The following SGIP1 variants were observed in gnomAD, a reference collection of about 807,000 sequenced individuals.
The protein encoded by SGIP1 is SH3GL interacting endocytic adaptor 1.
A neutral mutation model predicts 107.5 loss-of-function variants in SGIP1; 38 were observed. The ratio of observed to expected loss-of-function variants is 0.35; its 90% CI spans 0.27 to 0.46. The LOEUF (loss-of-function observed/expected upper bound fraction) is 0.46. SGIP1 is among the 20% of genes least tolerant of loss of function. The pLI is 1.00. For missense variants in SGIP1, 929 were observed against 1,019.5 expected (o/e 0.91, Z 1.21); for synonymous variants, 365 against 366.1 (o/e 1.00, Z 0.03).
At chr1:66,673,481 G>A in intron 12 of SGIP1, 115 bp downstream of exon 12, 1 of 980,112 alleles carries the variant, frequency 1.0e-6, no homozygotes, top group Non-Finnish European at 1.4e-6. Flanking sequence ...ATTTTCGTGG[G>A]AAAGAAAAGT....
At chr1:66,674,452 AG>A (rs2084692449) in intron 12 of SGIP1, among the ~76,000 whole-genome samples, 1 of 152,178 alleles carries the variant, frequency 6.6e-6, no homozygotes, top group Non-Finnish European at 1.5e-5. Flanking sequence ...TATTTGACTT[AG>A]GGGCACCATG....
intron 7 of SGIP1, among the ~76,000 whole-genome samples, chr1:66,657,935 T>C (rs1188350184): frequency 6.6e-6 from 1 of 152,200 alleles, no homozygotes; most frequent in Non-Finnish European, 1.5e-5. Context: ...CCTATCTTTG[T>C]TTTTATTGTT....
rs17490057 is a variant in SGIP1, at chr1:66,643,594, G to C, written c.334G>C (p.Glu112Gln). 89,087 of 1,610,632 alleles carry C rather than the reference G, an allele frequency of 0.055. 2,920 individuals are homozygous for C. Among genetic ancestry groups the C allele is most frequent in the Non-Finnish European group, 0.063 (74,755 of 1,178,440 alleles). ...TTCAAGTGAATCGGAAGAAGAAGAA[G>C]AATCACATAAGAAATTTAATATCAA... ...YSSSESEEEEESHKKFNIKIK... is the reference protein window; with the variant it reads ...YSSSESEEEEQSHKKFNIKIK... The change falls in exon 7 of 25, where the codon GAA becomes CAA. Residue 112 changes from glutamate to glutamine, a missense_variant. This residue lies in a region of SGIP1 where 588 missense variants were observed against 588.6 expected (regional missense o/e 1.00). Coordinates refer to ENST00000371037, the MANE Select transcript of SGIP1 (RefSeq NM_032291.4).
intron 9 of SGIP1, 118 bp from the exon 10 acceptor site, chr1:66,670,877 G>T (rs45467391): frequency 0.081 from 38,745 of 478,086 alleles, 1,654 homozygotes; most frequent in South Asian, 0.1. Flanking sequence ...CTGAGAAAAA[G>T]TTCATTTCCC....
At chr1:66,701,244 T>C (rs1392336182) in intron 18 of SGIP1, among the ~76,000 whole-genome samples, 1 of 152,164 alleles carries the variant, frequency 6.6e-6, no homozygotes, top group East Asian at 1.9e-4. Context: ...TATGACCAAT[T>C]TTCTGGGGAG....
chr1:66,634,047 A>G (rs546431322), intron 3 of SGIP1: 1 of 1,550,982 alleles, frequency 6.4e-7, no homozygotes, highest in Non-Finnish European at 8.8e-7. Context: ...TTGATCAGAC[A>G]TTGGGTAACA....
chr1:66,742,928 A>G (rs2094503841), intron 24 of SGIP1, 145 bp from the exon 25 acceptor site: 2 of 731,532 alleles, frequency 2.7e-6, no homozygotes, highest in African/African-American at 1.8e-5. Context: ...TGGAAACTTT[A>G]TGTATCTTTT....
At chr1:66,716,950 G>A (rs1172270619) in intron 18 of SGIP1, among the ~76,000 whole-genome samples, 1 of 151,912 alleles carries the variant, frequency 6.6e-6, no homozygotes, top group East Asian at 1.9e-4. Flanking sequence ...TTCTTAAAAT[G>A]TGTCTGCTCA....
chr1:66,534,496 T>A, intron 1 of SGIP1, 128 bp downstream of exon 1: 1 of 1,011,930 alleles, frequency 9.9e-7, no homozygotes, highest in Non-Finnish European at 1.5e-6. Flanking sequence ...CAAGCAGAAA[T>A]GCTGCAGTTT....
chr1:66,573,742 C>T (rs181215447), intron 1 of SGIP1, among the ~76,000 whole-genome samples: 2 of 152,116 alleles, frequency 1.3e-5, no homozygotes, highest in Admixed American at 1.3e-4. Flanking sequence ...ACAACATGCA[C>T]TGGGGCCTAT....
At chr1:66,619,666 A>G (rs2070420793) in intron 1 of SGIP1, among the ~76,000 whole-genome samples, 1 of 152,232 alleles carries the variant, frequency 6.6e-6, no homozygotes, top group African/African-American at 2.4e-5. Flanking sequence ...AAGGAGAGAA[A>G]GGAGGGGTTA....
At chr1:66,654,703 G>C (rs900959227) in intron 7 of SGIP1, among the ~76,000 whole-genome samples, 4 of 152,152 alleles carry the variant, frequency 2.6e-5, no homozygotes, top group Non-Finnish European at 5.9e-5. Context: ...AAAGACTGGG[G>C]AGAATGTCCT....
intron 19 of SGIP1, among the ~76,000 whole-genome samples, chr1:66,722,804 C>G (rs2093601915): frequency 6.6e-6 from 1 of 152,158 alleles, no homozygotes; most frequent in South Asian, 2.1e-4. Flanking sequence ...TCCCAATACA[C>G]TATGACAGGC....
chr1:66,534,828 C>A (rs2053200216), intron 1 of SGIP1, among the ~76,000 whole-genome samples: 1 of 152,144 alleles, frequency 6.6e-6, no homozygotes, highest in African/African-American at 2.4e-5. Flanking sequence ...TGTAAAAATT[C>A]TCATAAGGTA....
chr1:66,578,106 T>C (rs1433285441), intron 1 of SGIP1, among the ~76,000 whole-genome samples: 1 of 152,216 alleles, frequency 6.6e-6, no homozygotes, highest in African/African-American at 2.4e-5. Context: ...AATACATTCC[T>C]ATTACTACTG....
chr1:66,609,117 G>C (rs1177243163), intron 1 of SGIP1, among the ~76,000 whole-genome samples: 1 of 152,112 alleles, frequency 6.6e-6, no homozygotes, highest in Non-Finnish European at 1.5e-5. Context: ...CTGCAGTCAG[G>C]ACACTGAACT....
At chr1:66,547,192 C>T (rs1183661866) in intron 1 of SGIP1, among the ~76,000 whole-genome samples, 1 of 152,248 alleles carries the variant, frequency 6.6e-6, no homozygotes, top group Admixed American at 6.5e-5. Context: ...TTCCACATAT[C>T]CTCAAATTTC....
At chr1:66,602,729 G>A (rs997234686) in intron 1 of SGIP1, among the ~76,000 whole-genome samples, 16 of 152,144 alleles carry the variant, frequency 1.1e-4, no homozygotes, top group Admixed American at 3.9e-4. Flanking sequence ...AGATACTAAC[G>A]TAAAGATATA....
chr1:66,575,168 A>G (rs753988746), intron 1 of SGIP1, among the ~76,000 whole-genome samples: 2 of 152,154 alleles, frequency 1.3e-5, no homozygotes, highest in African/African-American at 2.4e-5. Flanking sequence ...GCTTGGGTAT[A>G]TATGTGTTCA....
Sources: gnomAD v4.1 joint callset for allele counts (sites outside exome capture counted in the v4.1 genomes callset) on GRCh38, gnomAD v4.1.1 for gene constraint, gnomAD v4.1.1 regional missense constraint, MANE v1.5 for transcripts, NCBI Gene and HGNC (gene_info 2026-07-23, HGNC 2026-07-21) for gene names.